SCUBE1: variants seen among roughly 807,000 people sequenced by gnomAD.
The protein encoded by SCUBE1 is signal peptide, CUB and EGF-like domain-containing protein 1.
Under a neutral mutation model 124.4 loss-of-function variants are expected in SCUBE1, and 59 were observed. The ratio of observed to expected loss-of-function variants is 0.47; its 90% CI spans 0.38 to 0.59. The LOEUF (loss-of-function observed/expected upper bound fraction) is 0.59, where lower values mean the gene tolerates loss of function less well. SCUBE1 is among the 20% of genes least tolerant of loss of function. The probability of loss-of-function intolerance (pLI) is 0.00; values close to 1 mark genes in which losing one functional copy is unlikely to be tolerated. For synonymous variants in SCUBE1, 545 were observed against 550.9 expected (o/e 0.99, Z 0.15); for missense variants, 1,150 against 1,371.2 (o/e 0.84, Z 2.55).
At chr22:43,324,163 G>T (rs76495079) in intron 2 of SCUBE1, among the ~76,000 whole-genome samples, 2 of 152,148 alleles carry the variant, frequency 1.3e-5, no homozygotes, top group Admixed American at 6.5e-5. Context: ...TTGTCAGGGC[G>T]TAATTATTAA....
chr22:43,233,037 G>C (rs1328107257), intron 7 of SCUBE1, among the ~76,000 whole-genome samples: 6 of 152,294 alleles, frequency 3.9e-5, no homozygotes, highest in African/African-American at 1.4e-4. Flanking sequence ...AAAATAAGAG[G>C]TTTTATTTCT....
intron 10 of SCUBE1, among the ~76,000 whole-genome samples, chr22:43,223,698 T>TC (rs1922195049): frequency 6.6e-6 from 1 of 152,024 alleles, no homozygotes; most frequent in Non-Finnish European, 1.5e-5. Context: ...GATGAAAAAG[T>TC]CCCCCGGACT....
At chr22:43,212,677 C>A in intron 16 of SCUBE1, 85 bp from the exon 17 acceptor site, 1 of 1,422,544 alleles carries the variant, frequency 7.0e-7, no homozygotes, top group Admixed American at 2.5e-5. Context: ...CGCTCTTGGC[C>A]CTTGCCCGGC....
chr22:43,306,976 T>G (rs1428055630), intron 3 of SCUBE1, among the ~76,000 whole-genome samples: 2 of 152,212 alleles, frequency 1.3e-5, no homozygotes, highest in African/African-American at 4.8e-5. Flanking sequence ...TCTGTGCACC[T>G]GCCACCGTCA....
At position 43,255,412 on chromosome 22, in the gene SCUBE1, T is replaced by G; in HGVS notation, c.727+2807A>C. Reference sequence around the variant, plus strand: ...ACACACGCCCATGTCCACATGCCAGTGCGCACCCGAGACACACATGTGCAC... The same window carrying G: ...ACACACGCCCATGTCCACATGCCAGGGCGCACCCGAGACACACATGTGCAC... On this transcript the variant is annotated intron_variant, in intron 6 of 21. Coordinates refer to ENST00000360835, the MANE Select transcript of SCUBE1 (RefSeq NM_173050.5). This position sits in a 1 kb window ranked among gnomAD's most constrained non-coding sequence, Gnocchi z 4.7. The G allele has an allele frequency of 7.9e-7, 1 of 1,273,640 alleles. No homozygotes were observed. Among genetic ancestry groups the G allele is most frequent in the South Asian group, 1.3e-5 (1 of 78,058 alleles). The allele number at this position is 1,273,640 out of a possible 1,614,324, so 78.9% of individuals were successfully genotyped here. A position where few individuals can be genotyped will look rare whatever the true frequency, so the allele number is the denominator to read the frequency against.
chr22:43,251,185 G>C (rs1327337385), intron 6 of SCUBE1, among the ~76,000 whole-genome samples: 1 of 152,228 alleles, frequency 6.6e-6, no homozygotes. Flanking sequence ...GCCTGAGGAA[G>C]AGTGGGTGCC....
rs573935511 is a variant in SCUBE1 at position 43,325,369 on chromosome 22, G to A, written c.221-5304C>T. 2.0e-4 allele frequency among the ~76,000 whole-genome samples: 31 copies of A among 151,306 alleles called. 2 individuals carry two copies. The South Asian group carries it at 4.2e-3, about 20-fold the overall frequency. The stretch of plus-strand genomic sequence containing the variant: ...GAAGCAGGAAAATCGCTTGGACTCC[G>A]GAGGCGGAGGTTGCGATGAGCCGAG... On this transcript the variant is annotated intron_variant, in intron 2 of 21. Transcript: ENST00000360835.
rs116681969 is a variant in SCUBE1, at chr22:43,250,888, A to G, written c.727+7331T>C. Among the ~76,000 whole-genome samples, 647 of 152,268 alleles carry G rather than the reference A, an allele frequency of 4.2e-3. 6 individuals are homozygous for G. The highest frequency in any genetic ancestry group is 0.015 in the African/African-American group (622 of 41,550). On this transcript the variant is annotated intron_variant, in intron 6 of 21. Coordinates refer to ENST00000360835, the MANE Select transcript of SCUBE1 (RefSeq NM_173050.5). Reference sequence around the variant, plus strand: ...CCAGAAATGCTACTGGGCCTGCAGAACCGCGTCCCTCAGGCCTGTTCTGCT... The same window carrying G: ...CCAGAAATGCTACTGGGCCTGCAGAGCCGCGTCCCTCAGGCCTGTTCTGCT...
intron 3 of SCUBE1, among the ~76,000 whole-genome samples, chr22:43,300,525 C>T (rs987459732): frequency 1.1e-4 from 17 of 151,986 alleles, no homozygotes; most frequent in African/African-American, 3.4e-4. Context: ...TCCAGGTGGG[C>T]GTGGCGTCTC....
At chr22:43,266,865 C>T (rs116188907) in intron 4 of SCUBE1, among the ~76,000 whole-genome samples, 2,415 of 152,336 alleles carry the variant, frequency 0.016, 77 homozygotes, top group African/African-American at 0.056. Flanking sequence ...AGCCCCTCCA[C>T]GAAGCACATA....
At chr22:43,240,196 G>A (rs750130527) in intron 6 of SCUBE1, among the ~76,000 whole-genome samples, 2 of 152,166 alleles carry the variant, frequency 1.3e-5, no homozygotes, top group Non-Finnish European at 2.9e-5. Context: ...CACCACCGTA[G>A]GATGAGCTGC....
chr22:43,271,130 C>A (rs1454449635), intron 4 of SCUBE1, among the ~76,000 whole-genome samples: 2 of 152,202 alleles, frequency 1.3e-5, no homozygotes, highest in African/African-American at 2.4e-5. Context: ...TTCTGTGTCA[C>A]CTCTTCCAGG....
intron 2 of SCUBE1, among the ~76,000 whole-genome samples, chr22:43,322,523 G>A (rs539889721): frequency 4.6e-5 from 7 of 152,128 alleles, no homozygotes; most frequent in Admixed American, 1.3e-4. Flanking sequence ...CTACCAACGC[G>A]TGGTTTTTCT....
Position 43,227,227 on chromosome 22 carries a change from C to G in SCUBE1, c.1207+147G>C. The G allele has an allele frequency of 3.1e-6, 3 of 965,966 alleles. No individual in the cohort carries two copies. In the South Asian group the frequency reaches 5.0e-5, roughly 16 times the overall value. 59.8% of individuals were successfully genotyped at this position (965,966 alleles called of 1,614,324 possible). ...GTCCTCATTCCCATCAGCCATACCC[C>G]AACAGCAGAGAACCTCTGCCTGGGA... On this transcript the variant is annotated intron_variant, in intron 10 of 21. Transcript: ENST00000360835.
At chr22:43,284,244 CTG>C (rs1036702895) in intron 4 of SCUBE1, among the ~76,000 whole-genome samples, 3 of 152,258 alleles carry the variant, frequency 2.0e-5, no homozygotes, top group African/African-American at 7.2e-5. Context: ...GTCTCCGTAA[CTG>C]AGTTCATAAC....
chr22:43,247,231 T>G (rs1208021415), intron 6 of SCUBE1, among the ~76,000 whole-genome samples: 3 of 152,212 alleles, frequency 2.0e-5, no homozygotes, highest in Admixed American at 6.5e-5. Flanking sequence ...CAGGGCCAGG[T>G]GCAGCCTGTC....
chr22:43,240,070 C>T (rs907693639), intron 6 of SCUBE1, among the ~76,000 whole-genome samples: 1 of 152,106 alleles, frequency 6.6e-6, no homozygotes, highest in African/African-American at 2.4e-5. Flanking sequence ...ACCTTGTAGG[C>T]GTGTGCAGGG....
Position 43,198,763 on chromosome 22 carries a change from T to C in SCUBE1, c.*5234A>G, listed in dbSNP as rs1920960721. ...AAGGAAGGCTTCTCCCTGTGGGGCA[T>C]GCACTGTGGCAGGCAAGGTGAGCAG... On this transcript the variant is annotated 3_prime_UTR_variant, in exon 22 of 22. Coordinates refer to ENST00000360835, the MANE Select transcript of SCUBE1 (RefSeq NM_173050.5). 2 of 454,028 alleles carry C rather than the reference T, an allele frequency of 4.4e-6. No homozygotes were observed. The highest frequency in any genetic ancestry group is 1.6e-5 in the South Asian group (1 of 64,384). The allele number at this position is 454,028 out of a possible 1,614,324, so 28.1% of individuals were successfully genotyped here.
At chr22:43,224,692 T>A (rs772451324) in intron 10 of SCUBE1, among the ~76,000 whole-genome samples, 1 of 152,134 alleles carries the variant, frequency 6.6e-6, no homozygotes, top group Admixed American at 6.5e-5. Context: ...CCCTTTGTTT[T>A]CTCCATATTC....
Sources: gnomAD v4.1 joint callset for allele counts (sites outside exome capture counted in the v4.1 genomes callset) on GRCh38, gnomAD v4.1.1 for gene constraint, Gnocchi (gnomAD v3.1) non-coding constraint, MANE v1.5 for transcripts, NCBI Gene and HGNC (gene_info 2026-07-23, HGNC 2026-07-21) for gene names.